Variants in SLC28A1 observed in about 807,000 individuals in gnomAD.
SLC28A1 encodes the protein solute carrier family 28 member 1, also known as sodium/nucleoside cotransporter 1.
In SLC28A1, 64 loss-of-function variants were observed where a neutral mutation model predicts 74.8. That is an observed-to-expected ratio of 0.86 (90% CI 0.70 to 1.05). The LOEUF (loss-of-function observed/expected upper bound fraction) is 1.05. SLC28A1 is among the 50% of genes least tolerant of loss of function. The pLI is 0.00. For synonymous variants in SLC28A1, 359 were observed against 335.0 expected (o/e 1.07, Z -0.78); for missense variants, 828 against 822.8 (o/e 1.01, Z -0.08).
the SLC28A1 span, among the ~76,000 whole-genome samples, chr15:84,953,965 C>T: frequency 6.6e-6 from 1 of 152,196 alleles, no homozygotes; most frequent in Non-Finnish European, 1.5e-5. Context: ...GCTCTGCCTA[C>T]CGCTGAGTTC....
rs1555453765 is a variant in SLC28A1 at position 84,928,518 on chromosome 15, G to GGTTCTTTCGTTC, written c.1083+4412_1083+4413insTTTCGTTCGTTC. Among the ~76,000 whole-genome samples, 6 of 34,064 alleles carry GGTTCTTTCGTTC rather than the reference G, an allele frequency of 1.8e-4. 1 individual carries two copies. Among genetic ancestry groups the GGTTCTTTCGTTC allele is most frequent in the Non-Finnish European group, 4.0e-4 (5 of 12,542 alleles). The allele number at this position is 34,064 out of a possible 152,430, so 22.3% of individuals were successfully genotyped here. ...TCTTGCCCTTTCCTTCAAGCTCCCA[G>GGTTCTTTCGTTC]GTTCGTTCGTTCTTTCTTTCTTTCT... On this transcript the variant is annotated intron_variant, in intron 12 of 18. Transcript: ENST00000394573.
chr15:84,930,176 C>G (rs1971099412), intron 12 of SLC28A1, among the ~76,000 whole-genome samples: 1 of 152,256 alleles, frequency 6.6e-6, no homozygotes. Flanking sequence ...GGTTTACAAA[C>G]CAGATGTAAT....
the SLC28A1 span, among the ~76,000 whole-genome samples, chr15:84,972,466 A>G: frequency 1.3e-5 from 2 of 152,208 alleles, no homozygotes; most frequent in African/African-American, 2.4e-5. Context: ...GCTCAAGAAG[A>G]AAATTATTAT....
At chr15:84,888,543 G>T (rs536603230) in intron 3 of SLC28A1, among the ~76,000 whole-genome samples, 2 of 152,106 alleles carry the variant, frequency 1.3e-5, no homozygotes, top group Non-Finnish European at 2.9e-5. Flanking sequence ...CTGTCCCTGC[G>T]CAGACCATGA....
chr15:84,916,243 T>G (rs1034232777), intron 9 of SLC28A1, among the ~76,000 whole-genome samples: 1 of 81,694 alleles, frequency 1.2e-5, no homozygotes, highest in Non-Finnish European at 2.3e-5. Flanking sequence ...GGGATTACTT[T>G]TTTTTTTTTT....
Position 84,917,929 on chromosome 15 carries a change from G to A in SLC28A1, c.796-595G>A, listed in dbSNP as rs993632057. ...GAGAATGGGTGAGCTTGGAGTGAAGGAAGAGGAGTGTTAAGCCTGGTACTA... is the reference window on the plus strand; with the variant it reads ...GAGAATGGGTGAGCTTGGAGTGAAGAAAGAGGAGTGTTAAGCCTGGTACTA... On this transcript the variant is annotated intron_variant, in intron 9 of 18. Coordinates refer to ENST00000394573, the MANE Select transcript of SLC28A1 (RefSeq NM_004213.5). Among the ~76,000 whole-genome samples the A allele has an allele frequency of 1.3e-5, 2 of 152,162 alleles. 1 individual carries two copies. The highest frequency in any genetic ancestry group is 2.9e-5 in the Non-Finnish European group (2 of 68,036).
At chr15:84,896,848 T>C (rs146126047) in intron 6 of SLC28A1, among the ~76,000 whole-genome samples, 45 of 152,320 alleles carry the variant, frequency 3.0e-4, no homozygotes, top group African/African-American at 1.1e-3. Context: ...GGGAACATCA[T>C]GCTCAGTGAA....
Position 84,895,623 on chromosome 15 carries a change from C to A in SLC28A1, c.461+500C>A, listed in dbSNP as rs538013408. 1.0e-5 allele frequency: 15 copies of A among 1,473,456 alleles called. No individual in the cohort carries two copies. The East Asian group carries it at 3.5e-4, about 34-fold the overall frequency. 91.3% of individuals were successfully genotyped at this position (1,473,456 alleles called of 1,614,324 possible). The stretch of plus-strand genomic sequence containing the variant: ...TTCCTTGGAGCGCTGGAAATCTCAG[C>A]GATGTCACAGGGCAGGAGAGGGAGG... On this transcript the variant is annotated intron_variant, in intron 6 of 18. Transcript: ENST00000394573.
In SLC28A1 at chr15:84,886,867, G is replaced by T. The variant is rs536406816; in HGVS notation, c.-17+80G>T. 19 of 757,500 alleles carry T rather than the reference G, an allele frequency of 2.5e-5. No individual in the cohort carries two copies. The South Asian group carries it at 7.1e-4, about 28-fold the overall frequency. 46.9% of individuals were successfully genotyped at this position (757,500 alleles called of 1,614,324 possible). A position where few individuals can be genotyped will look rare whatever the true frequency, so the allele number is the denominator to read the frequency against. On this transcript the variant is annotated intron_variant, in intron 2 of 18. Coordinates refer to ENST00000394573, the MANE Select transcript of SLC28A1 (RefSeq NM_004213.5). ...GCCAGGGCATTCCCAGGCTCTGCCT[G>T]TGTGTGTGCACGCACATGCACGGGT...
rs1185850091 is a variant in SLC28A1, at chr15:84,945,219, C to A, written c.*19C>A. ...ACAGTGAGGACAGAACATGCTTGTG[C>A]TTCTGCGCTTCTGAGGGCTGTTCTC... On this transcript the variant is annotated 3_prime_UTR_variant, in exon 19 of 19. Coordinates refer to ENST00000394573, the MANE Select transcript of SLC28A1 (RefSeq NM_004213.5). 6.2e-7 allele frequency: 1 copy of A among 1,610,296 alleles called. No individual in the cohort carries two copies. The highest frequency in any genetic ancestry group is 1.3e-5 in the African/African-American group (1 of 74,804).
At position 84,945,393 on chromosome 15, in the gene SLC28A1, C is replaced by T; in HGVS notation, c.*193C>T. Reference sequence around the variant, plus strand: ...GTGAGGACATAAGGAAGGACATGTCCCACTCCATCCCCCTTCCTGCTCCCC... The same window carrying T: ...GTGAGGACATAAGGAAGGACATGTCTCACTCCATCCCCCTTCCTGCTCCCC... On this transcript the variant is annotated 3_prime_UTR_variant, in exon 19 of 19. Coordinates refer to ENST00000394573, the MANE Select transcript of SLC28A1 (RefSeq NM_004213.5). The T allele has an allele frequency of 1.3e-5, 8 of 629,096 alleles. No individual in the cohort carries two copies. Among genetic ancestry groups the T allele is most frequent in the South Asian group, 5.3e-5 (3 of 57,042 alleles). The allele number at this position is 629,096 out of a possible 1,614,324, so 39.0% of individuals were successfully genotyped here. A position where few individuals can be genotyped will look rare whatever the true frequency, so the allele number is the denominator to read the frequency against.
intron 12 of SLC28A1, 132 bp downstream of exon 12, chr15:84,924,242 T>A: frequency 1.8e-6 from 2 of 1,115,950 alleles, no homozygotes; most frequent in Non-Finnish European, 2.7e-6. Flanking sequence ...GCAAGAGGAG[T>A]GGCTTCCCCT....
chr15:84,933,326 G>T, intron 13 of SLC28A1, 51 bp downstream of exon 13: 1 of 1,595,668 alleles, frequency 6.3e-7, no homozygotes, highest in East Asian at 2.3e-5. Context: ...AAGGTGGGGG[G>T]AGCAAAGCAG....
chr15:84,942,606 A>G (rs917349349), intron 15 of SLC28A1, among the ~76,000 whole-genome samples: 3 of 152,178 alleles, frequency 2.0e-5, no homozygotes, highest in African/African-American at 7.2e-5. Context: ...AGACAGGAAA[A>G]CTGACACTGA....
chr15:84,911,014 A>T (rs1457070668), intron 9 of SLC28A1, among the ~76,000 whole-genome samples: 2 of 152,246 alleles, frequency 1.3e-5, no homozygotes, highest in East Asian at 3.8e-4. Context: ...TGCAGGGCAG[A>T]GTTCAGTGGA....
intron 6 of SLC28A1, among the ~76,000 whole-genome samples, chr15:84,902,522 T>C (rs1054621653): frequency 6.6e-6 from 1 of 151,122 alleles, no homozygotes; most frequent in Non-Finnish European, 1.5e-5. Flanking sequence ...AGAAAACATA[T>C]CAACTGTTAC....
At chr15:84,972,087 C>T in the SLC28A1 span, among the ~76,000 whole-genome samples, 1 of 152,240 alleles carries the variant, frequency 6.6e-6, no homozygotes, top group African/African-American at 2.4e-5. Flanking sequence ...GCTAGAGGGG[C>T]TGCCCCCACC....
the SLC28A1 span, among the ~76,000 whole-genome samples, chr15:84,954,814 T>C: frequency 6.6e-6 from 1 of 152,218 alleles, no homozygotes; most frequent in African/African-American, 2.4e-5. Flanking sequence ...ATGACATGGC[T>C]GCAAATTTTC....
intron 6 of SLC28A1, among the ~76,000 whole-genome samples, chr15:84,900,869 GGCAAGGAAGGAA>G (rs1326846893): frequency 7.2e-5 from 7 of 96,740 alleles, no homozygotes; most frequent in African/African-American, 3.2e-4. Context: ...AAGGGTGAAA[GGCAAGGAAGGAA>G]GGAAGGAAGG....
Sources: allele counts gnomAD v4.1 joint callset (sites outside exome capture counted in the v4.1 genomes callset), GRCh38; gene constraint gnomAD v4.1.1; transcripts MANE v1.5; gene names NCBI Gene and HGNC (gene_info 2026-07-23, HGNC 2026-07-21).